RBMS1: variants seen among roughly 807,000 people sequenced by gnomAD.
RBMS1 encodes RNA binding motif single stranded interacting protein 1.
In RBMS1, 17 loss-of-function variants were observed where a neutral mutation model predicts 62.3. The observed-to-expected ratio is 0.27, with a 90% CI of 0.19 to 0.41. The LOEUF (loss-of-function observed/expected upper bound fraction) is 0.41. Among genes scored for constraint, RBMS1 ranks in the 10% least tolerant of loss-of-function variants. The probability of loss-of-function intolerance (pLI) is 1.00; values close to 1 mark genes in which losing one functional copy is unlikely to be tolerated. For missense variants in RBMS1, 334 were observed against 504.5 expected (o/e 0.66, Z 3.24); for synonymous variants, 172 against 170.0 (o/e 1.01, Z -0.09).
intron 1 of RBMS1, among the ~76,000 whole-genome samples, chr2:160,392,794 A>T (rs1694934893): frequency 6.6e-6 from 1 of 152,060 alleles, no homozygotes. Flanking sequence ...TGGGTGGCTA[A>T]GGTGGGAGGA....
intron 11 of RBMS1, chr2:160,278,192 G>A (rs1242897255): frequency 1.2e-5 from 3 of 247,734 alleles, no homozygotes; most frequent in Admixed American, 1.0e-4. Context: ...AGAAATAAGC[G>A]AGAAATAATT....
intron 2 of RBMS1, among the ~76,000 whole-genome samples, chr2:160,332,842 T>C (rs956067489): frequency 1.3e-5 from 2 of 150,216 alleles, no homozygotes; most frequent in African/African-American, 4.9e-5. Context: ...TATATATATA[T>C]ATAAAGTATG....
intron 1 of RBMS1, among the ~76,000 whole-genome samples, chr2:160,424,144 A>G (rs987200716): frequency 2.6e-5 from 4 of 151,050 alleles, no homozygotes; most frequent in African/African-American, 9.8e-5. Flanking sequence ...TCAGCCTCCC[A>G]AGTAGCTGGG....
chr2:160,320,751 T>A (rs929473707), intron 2 of RBMS1, among the ~76,000 whole-genome samples: 1 of 152,112 alleles, frequency 6.6e-6, no homozygotes. Context: ...ATGCTGTGCT[T>A]CTTGTACAAC....
intron 2 of RBMS1, among the ~76,000 whole-genome samples, chr2:160,332,759 G>A (rs80306707): frequency 0.096 from 14,667 of 152,036 alleles, 970 homozygotes; most frequent in East Asian, 0.26. Flanking sequence ...TGAGATCCTA[G>A]TGATACTAGA....
chr2:160,366,651 T>C (rs936318089), intron 2 of RBMS1, among the ~76,000 whole-genome samples: 1 of 152,234 alleles, frequency 6.6e-6, no homozygotes, highest in African/African-American at 2.4e-5. Context: ...TGGAACTTTA[T>C]GCACATGCAC....
intron 1 of RBMS1, among the ~76,000 whole-genome samples, 167 bp downstream of exon 1, chr2:160,493,122 C>G (rs1045622703): frequency 6.6e-6 from 1 of 152,142 alleles, no homozygotes; most frequent in Non-Finnish European, 1.5e-5. Context: ...GCCGCCGCCC[C>G]GCGCGCCGCC....
chr2:160,328,304 G>C (rs1383165531), intron 2 of RBMS1, among the ~76,000 whole-genome samples: 1 of 152,078 alleles, frequency 6.6e-6, no homozygotes, highest in Non-Finnish European at 1.5e-5. Flanking sequence ...TGAGACTTGA[G>C]AGCATTTACC....
intron 1 of RBMS1, among the ~76,000 whole-genome samples, chr2:160,404,646 G>A (rs1303412124): frequency 1.3e-5 from 2 of 152,088 alleles, no homozygotes; most frequent in African/African-American, 2.4e-5. Context: ...AATCTTCCTC[G>A]GATGCTGAGA....
intron 1 of RBMS1, among the ~76,000 whole-genome samples, chr2:160,492,688 T>A (rs1175836824): frequency 6.6e-6 from 1 of 152,084 alleles, no homozygotes; most frequent in Non-Finnish European, 1.5e-5. Context: ...AAAGTAGAAA[T>A]CAGTAACCAG....
chr2:160,368,442 T>C (rs1283632795), intron 1 of RBMS1, among the ~76,000 whole-genome samples: 1 of 152,102 alleles, frequency 6.6e-6, no homozygotes, highest in Non-Finnish European at 1.5e-5. Context: ...AACAAGAAAG[T>C]CAGGCATGTC....
intron 1 of RBMS1, among the ~76,000 whole-genome samples, chr2:160,439,203 C>A (rs1015474075): frequency 9.9e-5 from 15 of 151,698 alleles, no homozygotes; most frequent in Middle Eastern, 3.4e-3. Context: ...CTGACCCCCC[C>A]ACCTCCCTCT....
intron 1 of RBMS1, among the ~76,000 whole-genome samples, chr2:160,418,827 T>C (rs1343047749): frequency 6.6e-6 from 1 of 152,206 alleles, no homozygotes; most frequent in Non-Finnish European, 1.5e-5. Context: ...TTGAAAGTCA[T>C]CTAATAAGAA....
At chr2:160,334,986 C>G (rs1293141443) in intron 2 of RBMS1, among the ~76,000 whole-genome samples, 2 of 151,650 alleles carry the variant, frequency 1.3e-5, no homozygotes, top group Non-Finnish European at 2.9e-5. Context: ...GGTCAAAACC[C>G]TTCAGCTCAT....
intron 2 of RBMS1, among the ~76,000 whole-genome samples, chr2:160,325,853 T>A (rs190942596): frequency 6.6e-6 from 1 of 152,298 alleles, no homozygotes; most frequent in Admixed American, 6.5e-5. Context: ...TATTAGGCAA[T>A]CAAAATCAAG....
chr2:160,281,394 T>C (rs772354100), intron 9 of RBMS1, 30 bp from the exon 10 acceptor site: 17 of 1,539,886 alleles, frequency 1.1e-5, no homozygotes, highest in Admixed American at 1.0e-4. Context: ...GAAAGAAATA[T>C]TGATTTTCAT....
chr2:160,300,004 C>T (rs1023482026), intron 6 of RBMS1, among the ~76,000 whole-genome samples: 1 of 152,070 alleles, frequency 6.6e-6, no homozygotes, highest in Non-Finnish European at 1.5e-5. Flanking sequence ...ACAGTGTGAA[C>T]AAGGGATGGG....
chr2:160,359,297 ATGTC>A (rs1270856474), intron 2 of RBMS1, among the ~76,000 whole-genome samples: 1 of 152,212 alleles, frequency 6.6e-6, no homozygotes, highest in Non-Finnish European at 1.5e-5. Context: ...CCTTTGGTCT[ATGTC>A]TGTCACATCT....
At chr2:160,412,484 G>T (rs181525240) in intron 1 of RBMS1, among the ~76,000 whole-genome samples, 49 of 152,286 alleles carry the variant, frequency 3.2e-4, no homozygotes, top group African/African-American at 1.1e-3. Flanking sequence ...AGGGTTAAAA[G>T]ATTTACTAAG....
Sources: allele counts gnomAD v4.1 joint callset (sites outside exome capture counted in the v4.1 genomes callset), GRCh38; gene constraint gnomAD v4.1.1; transcripts MANE v1.5; gene names NCBI Gene and HGNC (gene_info 2026-07-23, HGNC 2026-07-21).